RAB4B: variants seen among roughly 807,000 people sequenced by gnomAD.
The protein encoded by RAB4B is ras-related protein Rab-4B.
In RAB4B, 15 loss-of-function variants were observed where a neutral mutation model predicts 28.3. The observed-to-expected ratio is 0.53, with a 90% CI of 0.35 to 0.82. The LOEUF (loss-of-function observed/expected upper bound fraction) is 0.82. Among genes scored for constraint, RAB4B ranks in the 40% least tolerant of loss-of-function variants. The probability of loss-of-function intolerance (pLI) is 0.01; values close to 1 mark genes in which losing one functional copy is unlikely to be tolerated. For missense variants in RAB4B, 244 were observed against 288.5 expected, an observed-to-expected ratio of 0.85 and a Z score of 1.12; for synonymous variants, 108 against 116.3, an observed-to-expected ratio of 0.93 and a Z score of 0.46.
intron 7 of RAB4B, chr19:40,794,845 G>T (rs1048790489): frequency 6.6e-6 from 1 of 151,866 alleles, no homozygotes; most frequent in African/African-American, 2.4e-5. Context: ...AAAGTGCTGG[G>T]ATTAAAGACG....
Position 40,779,701 on chromosome 19 carries a change from C to G in RAB4B, c.17-318C>G. On this transcript the variant is annotated intron_variant, in intron 1 of 7. Coordinates refer to ENST00000357052, the MANE Select transcript of RAB4B (RefSeq NM_016154.5). Reference sequence around the variant, plus strand: ...GAGGTTGCGGTGAGCCGAGATCGCGCCATTGCACTCCAGCCTGGGCAACGA... The same window carrying G: ...GAGGTTGCGGTGAGCCGAGATCGCGGCATTGCACTCCAGCCTGGGCAACGA... 5 of 335,414 alleles carry G rather than the reference C, an allele frequency of 1.5e-5. No homozygotes were observed. In the South Asian group the frequency reaches 1.6e-4, roughly 10 times the overall value. The allele number at this position is 335,414 out of a possible 1,614,324, so 20.8% of individuals were successfully genotyped here.
intron 7 of RAB4B, among the ~76,000 whole-genome samples, chr19:40,791,694 C>T (rs900786974): frequency 3.9e-5 from 6 of 151,954 alleles, no homozygotes; most frequent in Admixed American, 2.0e-4. Context: ...AGTGCAGTGG[C>T]GTGATTTCGG....
intron 7 of RAB4B, among the ~76,000 whole-genome samples, chr19:40,793,348 C>A (rs576777273): frequency 3.3e-5 from 5 of 152,084 alleles, no homozygotes; most frequent in African/African-American, 1.2e-4. Context: ...GTTTCTCCCA[C>A]CTCAGCCCCC....
intron 3 of RAB4B, among the ~76,000 whole-genome samples, chr19:40,783,366 A>T (rs1179914407): frequency 6.6e-6 from 1 of 151,466 alleles, no homozygotes; most frequent in Non-Finnish European, 1.5e-5. Context: ...TGGGATACTG[A>T]GCCTAGGAGG....
chr19:40,789,978 G>A (rs566469271), intron 7 of RAB4B, among the ~76,000 whole-genome samples: 1 of 152,364 alleles, frequency 6.6e-6, no homozygotes, highest in South Asian at 2.1e-4. Context: ...AGCAGCCAGT[G>A]TGGTCATCAT....
At chr19:40,791,646 GTT>G (rs955200937) in intron 7 of RAB4B, among the ~76,000 whole-genome samples, 2 of 150,210 alleles carry the variant, frequency 1.3e-5, no homozygotes, top group Non-Finnish European at 3.0e-5. Flanking sequence ...CCAAACTTTT[GTT>G]TTTTTTTGAG....
At chr19:40,789,721 G>C (rs1177040550) in intron 7 of RAB4B, among the ~76,000 whole-genome samples, 1 of 150,218 alleles carries the variant, frequency 6.7e-6, no homozygotes, top group East Asian at 2.0e-4. Context: ...GGTTGGTCTC[G>C]ATCTCTTGAC....
intron 7 of RAB4B, among the ~76,000 whole-genome samples, chr19:40,794,138 G>C (rs1432024065): frequency 2.6e-5 from 4 of 151,298 alleles, no homozygotes; most frequent in African/African-American, 9.7e-5. Context: ...GCAATGGTGT[G>C]GTCTCGGCTC....
At chr19:40,781,750 G>C (rs2083050376) in intron 3 of RAB4B, among the ~76,000 whole-genome samples, 1 of 152,106 alleles carries the variant, frequency 6.6e-6, no homozygotes, top group East Asian at 1.9e-4. Context: ...GGCCGGGCGT[G>C]GTGGCTCATG....
rs781198553 is a variant in RAB4B at position 40,788,588 on chromosome 19, CT to C, written c.*15+1622del. On this transcript the variant is annotated intron_variant, in intron 7 of 7. Coordinates refer to ENST00000357052, the MANE Select transcript of RAB4B (RefSeq NM_016154.5). ...TGAGTGGATAGGGTGGAGGAGTGTA[CT>C]TTTTTTTTTTTCTTTGAGATGGGGT... Among the ~76,000 whole-genome samples the C allele has an allele frequency of 5.7e-3, 773 of 135,750 alleles. 6 individuals are homozygous for C. The highest frequency in any genetic ancestry group is 0.012 in the Middle Eastern group (3 of 256). The allele number at this position is 135,750 out of a possible 152,430, so 89.1% of individuals were successfully genotyped here.
chr19:40,790,451 A>C (rs1163766854), intron 7 of RAB4B, among the ~76,000 whole-genome samples: 1 of 151,082 alleles, frequency 6.6e-6, no homozygotes, highest in South Asian at 2.1e-4. Flanking sequence ...GCTTACTGCA[A>C]GCTCCGCCTC....
Position 40,784,910 on chromosome 19 carries a change from G to A in RAB4B, c.430+835G>A, listed in dbSNP as rs555843677. ...GGCTGGAGTATAGTGGCGCAATCTC[G>A]GCTCACTGCAACTTCTGCCTCAGCC... On this transcript the variant is annotated intron_variant, in intron 5 of 7. Coordinates refer to ENST00000357052, the MANE Select transcript of RAB4B (RefSeq NM_016154.5). 6.7e-5 allele frequency among the ~76,000 whole-genome samples: 10 copies of A among 150,270 alleles called. No individual in the cohort carries two copies. In the South Asian group the frequency reaches 1.1e-3, roughly 16 times the overall value.
chr19:40,788,161 A>G (rs1464368294), intron 7 of RAB4B, among the ~76,000 whole-genome samples: 1 of 151,812 alleles, frequency 6.6e-6, no homozygotes, highest in African/African-American at 2.4e-5. Context: ...TCCCATCCTC[A>G]TGGTGCTGAC....
intron 5 of RAB4B, among the ~76,000 whole-genome samples, chr19:40,784,645 A>G (rs1005059069): frequency 5.3e-5 from 8 of 152,158 alleles, no homozygotes; most frequent in African/African-American, 1.9e-4. Flanking sequence ...GAGATTGTGG[A>G]AAGTCCTTAG....
chr19:40,793,595 T>TTTTTTTTTTTTTTTTTTTTTTTTTTTG (rs2083180319), intron 7 of RAB4B, among the ~76,000 whole-genome samples: 1 of 73,420 alleles, frequency 1.4e-5, no homozygotes, highest in Non-Finnish European at 3.6e-5. Context: ...TTTTTTTTTT[T>TTTTTTTTTTTTTTTTTTTTTTTTTTTG]AGATATGGTC....
chr19:40,786,681 G>T lies in RAB4B; in HGVS notation c.447G>T (p.Glu149Asp). 2.5e-6 allele frequency: 4 copies of T among 1,614,018 alleles called. No homozygotes were observed. The highest frequency in any genetic ancestry group is 3.4e-6 in the Non-Finnish European group (4 of 1,179,970). Residue 149 changes from glutamate (E) to aspartate (D), a missense_variant, in exon 6 of 8, where the codon GAG becomes GAT. Transcript: ENST00000357052. ...CCCCTGCAGAGCTGATGTTCCTGGA[G>T]ACCAGCGCTCTCACAGGCGAGAACG... ...FAQENELMFL[E>D]TSALTGENVE...
chr19:40,787,961 C>CAA (rs56997006), intron 7 of RAB4B, among the ~76,000 whole-genome samples: 12,756 of 69,062 alleles, frequency 0.18, 3,020 homozygotes, highest in Admixed American at 0.26. Flanking sequence ...GACTCTGTCT[C>CAA]AAAAAAAAAA....
chr19:40,778,384 G>A lies in RAB4B; in HGVS notation c.9G>A (p.Glu3=). ...GCGGCCGCGACCGAGTCATGGCTGA[G>A]ACCTACGGTGAGGGTGGTGGACGAA... is the stretch of plus-strand genomic sequence containing the variant. MA[E]TYDFLFKFLV... Residue 3 remains glutamate (E), a synonymous_variant, in exon 1 of 8, where the codon GAG becomes GAA. Coordinates refer to ENST00000357052, the MANE Select transcript of RAB4B (RefSeq NM_016154.5). 1.4e-6 allele frequency: 2 copies of A among 1,468,344 alleles called. No homozygotes were observed. The highest frequency in any genetic ancestry group is 1.8e-6 in the Non-Finnish European group (2 of 1,114,270). The allele number at this position is 1,468,344 out of a possible 1,614,324, so 91.0% of individuals were successfully genotyped here.
At chr19:40,790,210 C>T (rs1448227783) in intron 7 of RAB4B, among the ~76,000 whole-genome samples, 1 of 152,010 alleles carries the variant, frequency 6.6e-6, no homozygotes, top group African/African-American at 2.4e-5. Flanking sequence ...CAGAGGAGGT[C>T]ACCAGGACAC....
Sources: allele counts gnomAD v4.1 joint callset (sites outside exome capture counted in the v4.1 genomes callset), GRCh38; gene constraint gnomAD v4.1.1; transcripts MANE v1.5; gene names NCBI Gene and HGNC (gene_info 2026-07-23, HGNC 2026-07-21).